ATG13: variants seen among roughly 807,000 people sequenced by gnomAD.
The protein encoded by ATG13 is autophagy related 13.
Under a neutral mutation model 65.5 loss-of-function variants are expected in ATG13, and 23 were observed. The observed-to-expected ratio is 0.35, with a 90% CI of 0.25 to 0.50. ATG13 has a LOEUF of 0.50. ATG13 is among the 20% of genes least tolerant of loss of function. The pLI is 0.98. For synonymous variants in ATG13, 252 were observed against 245.2 expected (o/e 1.03, Z -0.26); for missense variants, 566 against 677.0 (o/e 0.84, Z 1.82).
rs1176447628 is a variant in ATG13, at chr11:46,646,403, C to T, written c.270+414C>T. Among the ~76,000 whole-genome samples the T allele has an allele frequency of 3.9e-5, 6 of 152,080 alleles. No homozygotes were observed. In the East Asian group the frequency reaches 9.7e-4, roughly 25 times the overall value. ...GACCTTGTGATCCGCCCGCATTGGC[C>T]TCCCAAAGTGCTGGGATTACAAGGG... On this transcript the variant is annotated intron_variant, in intron 5 of 18. Coordinates refer to ENST00000683050, the MANE Select transcript of ATG13 (RefSeq NM_001346311.2).
chr11:46,649,294 T>C (rs1003965864), intron 6 of ATG13, 111 bp downstream of exon 6: 2 of 1,241,552 alleles, frequency 1.6e-6, no homozygotes, highest in South Asian at 2.9e-5. Context: ...TTCTGACCAC[T>C]TAACAAAGCC....
chr11:46,635,961 C>G (rs1024686675), intron 2 of ATG13, among the ~76,000 whole-genome samples: 6 of 152,010 alleles, frequency 3.9e-5, no homozygotes, highest in Non-Finnish European at 8.8e-5. Flanking sequence ...TTTTCTTCTT[C>G]GTGAGACAGG....
At chr11:46,649,490 C>G (rs1049301722) in intron 6 of ATG13, among the ~76,000 whole-genome samples, 16 of 152,210 alleles carry the variant, frequency 1.1e-4, no homozygotes, top group African/African-American at 3.6e-4. Flanking sequence ...CTTGCGAGCT[C>G]TTGTAATATG....
chr11:46,658,625 T>G (rs2060509294), intron 10 of ATG13, among the ~76,000 whole-genome samples: 1 of 151,152 alleles, frequency 6.6e-6, no homozygotes, highest in South Asian at 2.1e-4. Context: ...AGCCTTCACC[T>G]CTTGGGTTCA....
At chr11:46,634,990 C>T (rs1166057624) in intron 2 of ATG13, among the ~76,000 whole-genome samples, 1 of 151,824 alleles carries the variant, frequency 6.6e-6, no homozygotes, top group Non-Finnish European at 1.5e-5. Flanking sequence ...CATGAGTCAC[C>T]TCACCTGGCC....
chr11:46,656,209 TTTC>T, intron 7 of ATG13, 21 bp from the exon 8 acceptor site: 1 of 1,606,656 alleles, frequency 6.2e-7, no homozygotes, highest in East Asian at 2.2e-5. Context: ...TCAGGTAACA[TTTC>T]TTATTTTTTC....
At position 46,664,038 on chromosome 11, in the gene ATG13, T is replaced by A. The variant is rs1442325027; in HGVS notation, c.831T>A (p.Thr277=). 1 of 1,571,890 alleles carries A rather than the reference T, an allele frequency of 6.4e-7. No individual in the cohort carries two copies. The highest frequency in any genetic ancestry group is 8.6e-7 in the Non-Finnish European group (1 of 1,163,844). The stretch of plus-strand genomic sequence containing the variant: ...CAAAGGCACATTTTCAGACCCCTAC[T>A]CCTGTGGTGACGGACACCCTGAGGG... ...TVTKAHFQTP[T]PVVTDTLRVP... The change falls in exon 12 of 19, where the codon ACT becomes ACA. Residue 277 remains threonine, a synonymous_variant. Transcript: ENST00000683050.
At chr11:46,664,812 C>T (rs767889336) in intron 12 of ATG13, 37 bp from the exon 13 acceptor site, 7 of 1,574,584 alleles carry the variant, frequency 4.4e-6, no homozygotes, top group Admixed American at 3.4e-5. Context: ...TTTTTCCTTG[C>T]CTTTCCTTTT....
intron 2 of ATG13, among the ~76,000 whole-genome samples, chr11:46,633,022 A>ATT (rs1362633539): frequency 8.9e-5 from 9 of 100,636 alleles, no homozygotes; most frequent in African/African-American, 5.0e-4. Context: ...ATATATATAT[A>ATT]TATATTTTTT....
At chr11:46,659,235 T>G in intron 10 of ATG13, 157 bp from the exon 11 acceptor site, 1 of 578,844 alleles carries the variant, frequency 1.7e-6, no homozygotes, top group Non-Finnish European at 3.1e-6. Context: ...CTGGAATGTT[T>G]GAAATTATTG....
At position 46,645,955 on chromosome 11, in the gene ATG13, C is replaced by A. The variant is rs1350123350; in HGVS notation, c.236C>A (p.Ser79Tyr). 1 of 1,614,162 alleles carries A rather than the reference C, an allele frequency of 6.2e-7. No homozygotes were observed. The highest frequency in any genetic ancestry group is 1.1e-5 in the South Asian group (1 of 91,080). The change falls in exon 5 of 19, where the codon TCC becomes TAC. Residue 79 changes from serine (S) to tyrosine (Y), a missense_variant. Ser to Tyr is a moderately radical substitution (Grantham distance 144). This residue lies in a region of ATG13 where 179 missense variants were observed against 267.2 expected (regional missense o/e 0.67). Coordinates refer to ENST00000683050, the MANE Select transcript of ATG13 (RefSeq NM_001346311.2). ...GGACAGCTGCCTGCAGTCGGGAGGTCCATGTGTGTGGAGATTTCACTTAAG... is the reference window on the plus strand; with the variant it reads ...GGACAGCTGCCTGCAGTCGGGAGGTACATGTGTGTGGAGATTTCACTTAAG... ...LAGQLPAVGR[S>Y]MCVEISLKTS...
chr11:46,650,065 A>G, intron 6 of ATG13, 112 bp from the exon 7 acceptor site: 1 of 1,168,562 alleles, frequency 8.6e-7, no homozygotes, highest in Non-Finnish European at 1.2e-6. Flanking sequence ...CTGTTGATAA[A>G]GGTGTAATTA....
At chr11:46,666,178 T>C (rs563646989) in intron 14 of ATG13, among the ~76,000 whole-genome samples, 2 of 152,316 alleles carry the variant, frequency 1.3e-5, no homozygotes, top group South Asian at 4.1e-4. Flanking sequence ...GAATCTGATA[T>C]ATCTGCTGGG....
At chr11:46,638,896 C>G (rs1193548252) in intron 2 of ATG13, among the ~76,000 whole-genome samples, 2 of 152,170 alleles carry the variant, frequency 1.3e-5, no homozygotes, top group Non-Finnish European at 2.9e-5. Flanking sequence ...CAACCTCCGC[C>G]TCCCAGGTGC....
intron 2 of ATG13, among the ~76,000 whole-genome samples, 181 bp from the exon 3 acceptor site, chr11:46,644,098 T>C (rs2056896811): frequency 6.6e-6 from 1 of 152,194 alleles, no homozygotes; most frequent in Non-Finnish European, 1.5e-5. Context: ...GGAATCTGTT[T>C]TCCTCAAGAG....
chr11:46,622,076 CATATATATAT>C (rs58391951), intron 1 of ATG13, among the ~76,000 whole-genome samples: 2,069 of 71,608 alleles, frequency 0.029, 36 homozygotes, highest in Middle Eastern at 0.063. Context: ...TATTTATTTA[CATATATATAT>C]ATATATATAT....
intron 6 of ATG13, 70 bp from the exon 7 acceptor site, chr11:46,650,107 T>A (rs2058600939): frequency 6.5e-7 from 1 of 1,533,080 alleles, no homozygotes; most frequent in African/African-American, 1.4e-5. Context: ...CATGTCTTAA[T>A]AATAAATTTG....
chr11:46,672,016 G>T (rs2063843037), intron 18 of ATG13, among the ~76,000 whole-genome samples: 2 of 152,158 alleles, frequency 1.3e-5, no homozygotes, highest in Non-Finnish European at 2.9e-5. Flanking sequence ...CTTTTGTTAA[G>T]TGTGTGGCCC....
In ATG13 at chr11:46,674,284, G is replaced by A. The variant is rs1451868295; in HGVS notation, c.*1952G>A. 1 of 152,206 alleles carries A rather than the reference G, an allele frequency of 6.6e-6. No individual in the cohort carries two copies. Among genetic ancestry groups the A allele is most frequent in the Non-Finnish European group, 1.5e-5 (1 of 68,100 alleles). 9.4% of individuals were successfully genotyped at this position (152,206 alleles called of 1,614,324 possible). A position where few individuals can be genotyped will look rare whatever the true frequency, so the allele number is the denominator to read the frequency against. ...AGCCATGACTTTGAGCTGAGCTTGG[G>A]AGAAGTAAAGCAACTGTTAAGGCCA... On this transcript the variant is annotated 3_prime_UTR_variant, in exon 19 of 19. Coordinates refer to ENST00000683050, the MANE Select transcript of ATG13 (RefSeq NM_001346311.2).
Sources: allele counts gnomAD v4.1 joint callset (sites outside exome capture counted in the v4.1 genomes callset), GRCh38; gene constraint gnomAD v4.1.1; regional missense constraint gnomAD v4.1.1; transcripts MANE v1.5; gene names NCBI Gene and HGNC (gene_info 2026-07-23, HGNC 2026-07-21).